FOXJ3: variants seen among roughly 807,000 people sequenced by gnomAD.
FOXJ3 encodes the protein forkhead box J3.
FOXJ3 carries 22 observed loss-of-function variants against 76.1 expected under a neutral mutation model. The observed-to-expected ratio is 0.29, with a 90% confidence interval of 0.21 to 0.41. FOXJ3 has a LOEUF of 0.41. Ranked by LOEUF, FOXJ3 falls within the 10% of genes least tolerant of loss-of-function variation. FOXJ3 has a pLI of 1.00. For missense variants in FOXJ3, 613 were observed against 762.1 expected (o/e 0.80, Z 2.30); for synonymous variants, 269 against 261.2 (o/e 1.03, Z -0.29).
chr1:42,287,040 T>C (rs1168693094), intron 2 of FOXJ3, among the ~76,000 whole-genome samples: 1 of 152,072 alleles, frequency 6.6e-6, no homozygotes, highest in Non-Finnish European at 1.5e-5. Context: ...CAATTCATTG[T>C]GGTTAAAAGA....
At chr1:42,332,246 C>A (rs1656206117) in intron 1 of FOXJ3, among the ~76,000 whole-genome samples, 1 of 152,138 alleles carries the variant, frequency 6.6e-6, no homozygotes, top group African/African-American at 2.4e-5. Flanking sequence ...ACTACCCTCC[C>A]AACACACATC....
intron 7 of FOXJ3, among the ~76,000 whole-genome samples, chr1:42,197,612 C>T (rs600148): frequency 0.82 from 125,088 of 151,716 alleles, 51,753 homozygotes; most frequent in Middle Eastern, 0.92. Context: ...CTTTAAATCA[C>T]CTCTAGATGA....
chr1:42,204,449 T>G (rs1202620607), intron 6 of FOXJ3, among the ~76,000 whole-genome samples: 3 of 152,172 alleles, frequency 2.0e-5, no homozygotes, highest in Non-Finnish European at 4.4e-5. Context: ...AGTCCCATCA[T>G]TACTACTTCC....
chr1:42,302,983 T>G (rs970793284), intron 2 of FOXJ3, among the ~76,000 whole-genome samples: 4 of 151,906 alleles, frequency 2.6e-5, no homozygotes, highest in Non-Finnish European at 5.9e-5. Flanking sequence ...TTTTCAATTT[T>G]AGTATTCCAA....
At chr1:42,331,896 A>T (rs1185358668) in intron 1 of FOXJ3, among the ~76,000 whole-genome samples, 1 of 152,208 alleles carries the variant, frequency 6.6e-6, no homozygotes, top group Non-Finnish European at 1.5e-5. Context: ...GCTTTGGAAC[A>T]TAAGTTTGTT....
chr1:42,237,544 A>G (rs989801787), intron 4 of FOXJ3, among the ~76,000 whole-genome samples: 2 of 150,382 alleles, frequency 1.3e-5, no homozygotes, highest in African/African-American at 4.9e-5. Context: ...AGTCATTTCT[A>G]TGTGAATATG....
At chr1:42,251,706 ATTTTTTTTTTTTT>A (rs1168120638) in intron 4 of FOXJ3, among the ~76,000 whole-genome samples, 7 of 87,562 alleles carry the variant, frequency 8.0e-5, no homozygotes, top group East Asian at 3.3e-4. Context: ...GTTTGCCAGT[ATTTTTTTTTTTTT>A]TTTTTTTTTT....
At chr1:42,278,119 C>T (rs879545205) in intron 3 of FOXJ3, among the ~76,000 whole-genome samples, 5 of 152,154 alleles carry the variant, frequency 3.3e-5, no homozygotes, top group Non-Finnish European at 5.9e-5. Flanking sequence ...ATTATCCCCG[C>T]TCTTACTTTA....
At chr1:42,237,382 ATAT>A (rs1648736124) in intron 4 of FOXJ3, among the ~76,000 whole-genome samples, 2 of 132,946 alleles carry the variant, frequency 1.5e-5, no homozygotes, top group African/African-American at 5.7e-5. Flanking sequence ...CTCAAAAAAT[ATAT>A]ATATATACAT....
At chr1:42,289,632 A>C (rs970617304) in intron 2 of FOXJ3, among the ~76,000 whole-genome samples, 1 of 152,204 alleles carries the variant, frequency 6.6e-6, no homozygotes, top group Non-Finnish European at 1.5e-5. Context: ...GCTTTGCATG[A>C]AATGCACAGC....
intron 6 of FOXJ3, among the ~76,000 whole-genome samples, chr1:42,201,336 T>C (rs567991114): frequency 6.6e-6 from 1 of 152,340 alleles, no homozygotes; most frequent in Admixed American, 6.5e-5. Flanking sequence ...AGAGAAAGTT[T>C]TCAGTATTTC....
chr1:42,203,110 G>C (rs1236368737), intron 6 of FOXJ3, among the ~76,000 whole-genome samples: 1 of 152,064 alleles, frequency 6.6e-6, no homozygotes, highest in African/African-American at 2.4e-5. Context: ...TTTCTCTGCT[G>C]ATGTGTCTGA....
chr1:42,202,041 T>C (rs1646774193), intron 6 of FOXJ3, among the ~76,000 whole-genome samples: 1 of 152,210 alleles, frequency 6.6e-6, no homozygotes, highest in Admixed American at 6.5e-5. Flanking sequence ...AGAATCCATA[T>C]AGCTCCTTTT....
At chr1:42,199,066 A>G (rs2124267689) in intron 7 of FOXJ3, 36 bp downstream of exon 7, 1 of 1,555,692 alleles carries the variant, frequency 6.4e-7, no homozygotes, top group Non-Finnish European at 8.8e-7. Flanking sequence ...GTACTAAATG[A>G]ATAACTATTA....
chr1:42,183,329 AGG>A (rs1370425309), intron 11 of FOXJ3, among the ~76,000 whole-genome samples: 11 of 298 alleles, frequency 0.037, no homozygotes, highest in South Asian at 0.5. Flanking sequence ...AGGGGAGGGG[AGG>A]GGAGGGGAGG....
chr1:42,206,499 G>C (rs1227684586), intron 5 of FOXJ3, among the ~76,000 whole-genome samples: 1 of 152,192 alleles, frequency 6.6e-6, no homozygotes, highest in Non-Finnish European at 1.5e-5. Context: ...CTGTGAAACA[G>C]AGCTGTTTAT....
intron 6 of FOXJ3, among the ~76,000 whole-genome samples, chr1:42,202,200 G>A (rs1646777044): frequency 6.6e-6 from 1 of 152,132 alleles, no homozygotes; most frequent in South Asian, 2.1e-4. Context: ...CCCATCTAGT[G>A]TACTTTTCAA....
At chr1:42,333,722 GA>G (rs1226852699) in intron 1 of FOXJ3, among the ~76,000 whole-genome samples, 1 of 152,084 alleles carries the variant, frequency 6.6e-6, no homozygotes, top group Non-Finnish European at 1.5e-5. Flanking sequence ...GAGACATTAA[GA>G]AAAAAACTAC....
At chr1:42,296,042 G>A (rs1402994226) in intron 2 of FOXJ3, among the ~76,000 whole-genome samples, 3 of 152,146 alleles carry the variant, frequency 2.0e-5, no homozygotes, top group African/African-American at 7.2e-5. Context: ...CAGCAATTCT[G>A]ACTGGTATAA....
Sources: gnomAD v4.1 joint callset for allele counts (sites outside exome capture counted in the v4.1 genomes callset) on GRCh38, gnomAD v4.1.1 for gene constraint, MANE v1.5 for transcripts, NCBI Gene and HGNC (gene_info 2026-07-23, HGNC 2026-07-21) for gene names.